ATP8A2: variants seen among roughly 807,000 people sequenced by gnomAD.
The protein encoded by ATP8A2 is phospholipid-transporting ATPase IB.
In ATP8A2, 100 loss-of-function variants were observed where a neutral mutation model predicts 165.6. The ratio of observed to expected loss-of-function variants is 0.60; its 90% confidence interval spans 0.51 to 0.71. ATP8A2 has a LOEUF of 0.71. ATP8A2 is among the 30% of genes least tolerant of loss of function. The pLI, the probability that ATP8A2 is intolerant of heterozygous loss-of-function variation, is 0.00. For synonymous variants in ATP8A2, 543 were observed against 548.8 expected (o/e 0.99, Z 0.15); for missense variants, 1,227 against 1,479.5 (o/e 0.83, Z 2.80).
chr13:25,822,558 G>A (rs187767236), intron 27 of ATP8A2, among the ~76,000 whole-genome samples: 1 of 152,136 alleles, frequency 6.6e-6, no homozygotes, highest in Non-Finnish European at 1.5e-5. Context: ...TCTTCCCCCT[G>A]TGATCACACT....
chr13:25,890,175 G>C (rs756920221), intron 33 of ATP8A2, among the ~76,000 whole-genome samples: 8 of 151,696 alleles, frequency 5.3e-5, no homozygotes, highest in Non-Finnish European at 8.8e-5. Context: ...AAAAAGAAAA[G>C]AAAAAAAATT....
chr13:25,737,655 C>A (rs563860656), intron 25 of ATP8A2, among the ~76,000 whole-genome samples: 1 of 152,040 alleles, frequency 6.6e-6, no homozygotes, highest in Admixed American at 6.6e-5. Flanking sequence ...AATGCCACCA[C>A]GCCTGGCTTT....
At chr13:25,661,920 T>C (rs1163161714) in intron 24 of ATP8A2, among the ~76,000 whole-genome samples, 1 of 152,182 alleles carries the variant, frequency 6.6e-6, no homozygotes, top group African/African-American at 2.4e-5. Flanking sequence ...TAGAGATGGG[T>C]AGTAAGAACA....
chr13:25,423,827 A>C (rs2034366805), intron 1 of ATP8A2, among the ~76,000 whole-genome samples: 1 of 152,194 alleles, frequency 6.6e-6, no homozygotes, highest in Non-Finnish European at 1.5e-5. Context: ...TGGGATTTAG[A>C]GATTAAGGAG....
chr13:25,662,284 C>T (rs2042066686), intron 24 of ATP8A2, among the ~76,000 whole-genome samples: 2 of 152,176 alleles, frequency 1.3e-5, no homozygotes, highest in Admixed American at 6.5e-5. Context: ...ACAAAGGAAG[C>T]TCACACCCCA....
chr13:25,375,433 A>C (rs2032583823), intron 1 of ATP8A2, among the ~76,000 whole-genome samples: 1 of 152,100 alleles, frequency 6.6e-6, no homozygotes, highest in African/African-American at 2.4e-5. Flanking sequence ...GTGGGGACAG[A>C]AAGGAAGGAA....
At chr13:25,837,324 G>A (rs748506120) in intron 29 of ATP8A2, 39 bp downstream of exon 29, 1 of 1,607,790 alleles carries the variant, frequency 6.2e-7, no homozygotes, top group Admixed American at 1.7e-5. Context: ...ACCTCAGAAA[G>A]GCGTGGCTGT....
At chr13:25,603,834 C>G (rs1406497387) in intron 24 of ATP8A2, among the ~76,000 whole-genome samples, 1 of 152,026 alleles carries the variant, frequency 6.6e-6, no homozygotes, top group Non-Finnish European at 1.5e-5. Context: ...AATAAGGAAT[C>G]TTTTTTGGGC....
At chr13:25,549,214 C>T (rs1023067381) in intron 10 of ATP8A2, among the ~76,000 whole-genome samples, 1 of 152,132 alleles carries the variant, frequency 6.6e-6, no homozygotes, top group African/African-American at 2.4e-5. Context: ...AATCCCACCA[C>T]TTTGGGAGGC....
chr13:25,714,155 G>C (rs1049943825), intron 25 of ATP8A2, among the ~76,000 whole-genome samples: 12 of 151,956 alleles, frequency 7.9e-5, no homozygotes, highest in Non-Finnish European at 2.9e-5. Flanking sequence ...AGGAGGGAGG[G>C]AAGGAAGAAA....
At chr13:25,531,493 GTCTC>G (rs2038111844) in intron 4 of ATP8A2, among the ~76,000 whole-genome samples, 1 of 147,922 alleles carries the variant, frequency 6.8e-6, no homozygotes, top group African/African-American at 2.5e-5. Context: ...TGCATGTGCT[GTCTC>G]TCTGTCTCTG....
At chr13:25,381,534 T>C (rs1465974586) in intron 1 of ATP8A2, among the ~76,000 whole-genome samples, 2 of 152,206 alleles carry the variant, frequency 1.3e-5, no homozygotes, top group East Asian at 3.9e-4. Context: ...AGACTTTGAG[T>C]TTTTAGGCAT....
At chr13:25,551,212 T>C (rs1439622136) in intron 10 of ATP8A2, 126 bp from the exon 11 acceptor site, 1 of 883,638 alleles carries the variant, frequency 1.1e-6, no homozygotes, top group Admixed American at 2.3e-5. Flanking sequence ...ATTGCATTGA[T>C]TATTTGGCAA....
In ATP8A2 at chr13:25,528,766, A is replaced by T. The variant is rs138853814; in HGVS notation, c.222-1233A>T. Among the ~76,000 whole-genome samples, 16 of 81,816 alleles carry T rather than the reference A, an allele frequency of 2.0e-4. 1 individual carries two copies. The highest frequency in any genetic ancestry group is 4.0e-4 in the African/African-American group (11 of 27,796). The allele number at this position is 81,816 out of a possible 152,430, so 53.7% of individuals were successfully genotyped here. A position where few individuals can be genotyped will look rare whatever the true frequency, so the allele number is the denominator to read the frequency against. On this transcript the variant is annotated intron_variant, in intron 2 of 36. Transcript: ENST00000381655. ...ACTTGTGTATGCATACATATGCAACATGTGTATGCACACATATGCAACATG... is the reference window on the plus strand; with the variant it reads ...ACTTGTGTATGCATACATATGCAACTTGTGTATGCACACATATGCAACATG...
intron 24 of ATP8A2, among the ~76,000 whole-genome samples, chr13:25,666,722 A>G (rs1473646765): frequency 6.6e-6 from 1 of 152,172 alleles, no homozygotes; most frequent in Non-Finnish European, 1.5e-5. Context: ...AGGCATTATG[A>G]CAACTGTATA....
chr13:25,569,297 G>A (rs2039400923), intron 16 of ATP8A2, among the ~76,000 whole-genome samples: 1 of 152,108 alleles, frequency 6.6e-6, no homozygotes, highest in Non-Finnish European at 1.5e-5. Flanking sequence ...ATGATAAGAA[G>A]TAGCCATGTA....
intron 25 of ATP8A2, among the ~76,000 whole-genome samples, chr13:25,753,412 G>A (rs1391677115): frequency 6.6e-6 from 1 of 152,156 alleles, no homozygotes; most frequent in Non-Finnish European, 1.5e-5. Context: ...CTCTCCCTTT[G>A]TTGCATACAG....
At chr13:25,917,233 G>A (rs563897755) in intron 33 of ATP8A2, among the ~76,000 whole-genome samples, 1 of 152,302 alleles carries the variant, frequency 6.6e-6, no homozygotes, top group East Asian at 1.9e-4. Flanking sequence ...GATACAGTTA[G>A]CAAAGTTGAC....
At chr13:25,973,894 T>C (rs1045307410) in intron 35 of ATP8A2, among the ~76,000 whole-genome samples, 2 of 152,204 alleles carry the variant, frequency 1.3e-5, no homozygotes, top group Admixed American at 1.3e-4. Flanking sequence ...TTTGCTTTTG[T>C]CCCACCTCTC....
Sources: gnomAD v4.1 joint callset for allele counts (sites outside exome capture counted in the v4.1 genomes callset) on GRCh38, gnomAD v4.1.1 for gene constraint, MANE v1.5 for transcripts, NCBI Gene and HGNC (gene_info 2026-07-23, HGNC 2026-07-21) for gene names.